The following TMEM216 variants were observed in gnomAD, a reference collection of about 807,000 sequenced individuals.
TMEM216 encodes the protein cerebello-oculo-renal syndrome 2.
Under a neutral mutation model 17.8 loss-of-function variants are expected in TMEM216, and 15 were observed. The ratio of observed to expected loss-of-function variants is 0.84; its 90% CI spans 0.56 to 1.30. The LOEUF (loss-of-function observed/expected upper bound fraction) is 1.30. Among genes scored for constraint, TMEM216 ranks in the 50% most tolerant of loss-of-function variants. The pLI is 0.00. For missense variants in TMEM216, 160 were observed against 175.7 expected (o/e 0.91, Z 0.51); for synonymous variants, 58 against 73.5 (o/e 0.79, Z 1.08).
In TMEM216 at chr11:61,393,964, C is replaced by T. The variant is rs779526456; in HGVS notation, c.217C>T (p.Arg73Cys). 17 of 1,613,902 alleles carry T rather than the reference C, an allele frequency of 1.1e-5. No homozygotes were observed. The highest frequency in any genetic ancestry group is 1.7e-5 in the Admixed American group (1 of 60,014). The change falls in exon 3 of 5, where the codon CGC becomes TGC. Residue 73 changes from arginine to cysteine, a missense_variant. Coordinates refer to ENST00000515837, the MANE Select transcript of TMEM216 (RefSeq NM_001173990.3). ...CCTTTATCTTGGAATTGAAGTAATTCGCCTGTTTTTTGGTAAGTGTTGTCC... is the reference window on the plus strand; with the variant it reads ...CCTTTATCTTGGAATTGAAGTAATTTGCCTGTTTTTTGGTAAGTGTTGTCC... ...LLLYLGIEVI[R>C]LFFGTKGNLC...
At chr11:61,393,398 C>A in intron 2 of TMEM216, 66 bp downstream of exon 2, 1 of 1,129,936 alleles carries the variant, frequency 8.9e-7, no homozygotes, top group Non-Finnish European at 1.3e-6. Flanking sequence ...CAATTCCTAC[C>A]AAGAACCTTC....
chr11:61,393,120 C>T (rs1304947074), intron 1 of TMEM216, 111 bp from the exon 2 acceptor site: 3 of 747,016 alleles, frequency 4.0e-6, no homozygotes, highest in East Asian at 3.9e-5. Context: ...CCCTGAGTGG[C>T]CGGTCCCATT....
intron 3 of TMEM216, among the ~76,000 whole-genome samples, chr11:61,395,364 A>C (rs771109853): frequency 5.3e-5 from 8 of 152,226 alleles, no homozygotes; most frequent in Non-Finnish European, 1.2e-4. Flanking sequence ...GTTAAAGCAC[A>C]AACTTAGGAA....
In TMEM216 at chr11:61,398,404, A is replaced by C. The variant is rs1452929778; in HGVS notation, c.*128A>C. On this transcript the variant is annotated 3_prime_UTR_variant, in exon 5 of 5. Transcript: ENST00000515837. ...AAAGGCTGTGTGGCTTTTCTTCAGCACAGACATTTGGGCAAGCAACTCAGC... is the reference window on the plus strand; with the variant it reads ...AAAGGCTGTGTGGCTTTTCTTCAGCCCAGACATTTGGGCAAGCAACTCAGC... The C allele has an allele frequency of 9.6e-7, 1 of 1,036,722 alleles. No individual in the cohort carries two copies. The highest frequency in any genetic ancestry group is 1.4e-6 in the Non-Finnish European group (1 of 702,866). 64.2% of individuals were successfully genotyped at this position (1,036,722 alleles called of 1,614,324 possible). A position where few individuals can be genotyped will look rare whatever the true frequency, so the allele number is the denominator to read the frequency against.
At chr11:61,394,753 G>A (rs868582087) in intron 3 of TMEM216, among the ~76,000 whole-genome samples, 9 of 150,660 alleles carry the variant, frequency 6.0e-5, no homozygotes, top group Non-Finnish European at 7.4e-5. Context: ...TGCAGCCTCC[G>A]CCTCCCGGGT....
In TMEM216 at chr11:61,393,236, C is replaced by G. The variant is rs528271337; in HGVS notation, c.40C>G (p.Arg14Gly). The G allele has an allele frequency of 6.5e-7, 1 of 1,535,274 alleles. No homozygotes were observed. The highest frequency in any genetic ancestry group is 2.0e-5 in the Admixed American group (1 of 50,916). Residue 14 changes from arginine to glycine, a missense_variant, in exon 2 of 5, where the codon CGG (arginine) becomes GGG (glycine). Coordinates refer to ENST00000515837, the MANE Select transcript of TMEM216 (RefSeq NM_001173990.3). ...RGLKMAPRGK[R>G]LSSTPLEILF... ...TCTCTGTGCTCCTTTTTCAGGTAAA[C>G]GGTTGTCCTCCACCCCGCTGGAAAT...
At chr11:61,395,167 T>C (rs1264247123) in intron 3 of TMEM216, among the ~76,000 whole-genome samples, 1 of 151,902 alleles carries the variant, frequency 6.6e-6, no homozygotes, top group African/African-American at 2.4e-5. Context: ...GTAGAGACAG[T>C]GTCTTGCCTT....
At chr11:61,398,142 C>A in intron 4 of TMEM216, 128 bp from the exon 5 acceptor site, 1 of 1,412,850 alleles carries the variant, frequency 7.1e-7, no homozygotes, top group South Asian at 1.2e-5. Context: ...TAGATCGTTT[C>A]CCACTCAGGG....
At chr11:61,397,473 A>G (rs960521183) in intron 3 of TMEM216, among the ~76,000 whole-genome samples, 1 of 151,884 alleles carries the variant, frequency 6.6e-6, no homozygotes, top group African/African-American at 2.4e-5. Context: ...GGCCATTGAA[A>G]ATTTTTAAAT....
chr11:61,395,607 G>GC (rs1283252593), intron 3 of TMEM216, among the ~76,000 whole-genome samples: 8 of 151,580 alleles, frequency 5.3e-5, no homozygotes, highest in African/African-American at 1.7e-4. Context: ...GTGGTGGCGC[G>GC]CACCTGTAAT....
chr11:61,393,907 GCTAAC>G lies in TMEM216; in HGVS notation c.164_168del (p.Asn55SerfsTer14), dbSNP rs1554972556. ...AGGTGTCCTGCTACCATATCCAACA[GCTAAC>G]CTAGTACTGGATGTGGTGATGCTCC... On this transcript the variant is annotated frameshift_variant, in exon 3 of 5. Coordinates refer to ENST00000515837, the MANE Select transcript of TMEM216 (RefSeq NM_001173990.3). LOFTEE classifies it high-confidence loss of function. 1 of 1,613,910 alleles carries G rather than the reference GCTAAC, an allele frequency of 6.2e-7. No homozygotes were observed. Among genetic ancestry groups the G allele is most frequent in the Non-Finnish European group, 8.5e-7 (1 of 1,179,840 alleles).
At chr11:61,397,712 C>T in intron 3 of TMEM216, 62 bp from the exon 4 acceptor site, 1 of 1,514,444 alleles carries the variant, frequency 6.6e-7, no homozygotes. Context: ...TCTCCCACGC[C>T]TTTCCCCTGG....
chr11:61,396,486 A>T (rs189085549), intron 3 of TMEM216, among the ~76,000 whole-genome samples: 34 of 140,630 alleles, frequency 2.4e-4, no homozygotes, highest in African/African-American at 9.7e-4. Flanking sequence ...TCAAAAAATT[A>T]AAAAAAATTA....
chr11:61,395,508 G>A (rs1858778192), intron 3 of TMEM216, among the ~76,000 whole-genome samples: 1 of 152,106 alleles, frequency 6.6e-6, no homozygotes, highest in South Asian at 2.1e-4. Flanking sequence ...GGGAGGCCGA[G>A]GTGGGTGGAT....
At chr11:61,393,453 A>C in intron 2 of TMEM216, 121 bp downstream of exon 2, 2 of 689,998 alleles carry the variant, frequency 2.9e-6, no homozygotes, top group East Asian at 2.8e-5. Context: ...TTGTCGCTGC[A>C]AGGCAGGCCT....
At chr11:61,394,326 CTAAGATCCCT>C (rs369379555) in intron 3 of TMEM216, 38 of 181,850 alleles carry the variant, frequency 2.1e-4, no homozygotes, top group African/African-American at 7.5e-4. Context: ...CAGATCAGTA[CTAAGATCCCT>C]AACAATTCTC....
At chr11:61,398,180 A>G (rs576318003) in intron 4 of TMEM216, 90 bp from the exon 5 acceptor site, 11 of 1,532,074 alleles carry the variant, frequency 7.2e-6, no homozygotes, top group Admixed American at 1.8e-5. Context: ...CTTTGGGGCC[A>G]GGAGGCTTGG....
intron 1 of TMEM216, chr11:61,392,922 C>T (rs1038230605): frequency 1.0e-5 from 10 of 961,436 alleles, no homozygotes; most frequent in Non-Finnish European, 1.2e-5. Flanking sequence ...GTCTCTGCGC[C>T]CCAACTTCCC....
chr11:61,395,126 G>A (rs1380365319), intron 3 of TMEM216, among the ~76,000 whole-genome samples: 1 of 152,082 alleles, frequency 6.6e-6, no homozygotes, highest in Non-Finnish European at 1.5e-5. Context: ...ACAGGTGTGC[G>A]ACATCATACC....
Sources: gnomAD v4.1 joint callset for allele counts (sites outside exome capture counted in the v4.1 genomes callset) on GRCh38, gnomAD v4.1.1 for gene constraint, MANE v1.5 for transcripts, NCBI Gene and HGNC (gene_info 2026-07-23, HGNC 2026-07-21) for gene names.